Variants in PTPRT observed in about 807,000 individuals in gnomAD.
PTPRT encodes the protein protein tyrosine phosphatase receptor type T.
In PTPRT, 56 loss-of-function variants were observed where a neutral mutation model predicts 176.8. The ratio of observed to expected loss-of-function variants is 0.32; its 90% CI spans 0.26 to 0.40. PTPRT has a LOEUF of 0.40. Among genes scored for constraint, PTPRT ranks in the 10% least tolerant of loss-of-function variants. PTPRT has a pLI of 1.00. For missense variants in PTPRT, 1,540 were observed against 1,908.2 expected, an observed-to-expected ratio of 0.81 and a Z score of 3.60; for synonymous variants, 783 against 739.0, an observed-to-expected ratio of 1.06 and a Z score of -0.96.
At chr20:42,103,820 T>TAAGA (rs975380703) in intron 25 of PTPRT, among the ~76,000 whole-genome samples, 67 of 152,198 alleles carry the variant, frequency 4.4e-4, no homozygotes, top group African/African-American at 1.6e-3. Flanking sequence ...TAGAACTGAA[T>TAAGA]AAGACCTCAG....
At chr20:42,291,428 A>G (rs1426550876) in intron 12 of PTPRT, among the ~76,000 whole-genome samples, 2 of 152,190 alleles carry the variant, frequency 1.3e-5, no homozygotes, top group Non-Finnish European at 1.5e-5. Flanking sequence ...CAATAAACAC[A>G]CATAGGTATG....
chr20:42,168,535 T>A (rs1227156983), intron 16 of PTPRT, among the ~76,000 whole-genome samples: 1 of 152,202 alleles, frequency 6.6e-6, no homozygotes, highest in Non-Finnish European at 1.5e-5. Flanking sequence ...TCCACTAACC[T>A]ATTGCCAGAA....
chr20:42,876,997 T>A (rs1478537184), intron 2 of PTPRT, among the ~76,000 whole-genome samples: 3 of 152,144 alleles, frequency 2.0e-5, no homozygotes, highest in African/African-American at 7.2e-5. Context: ...GCCTTAGGGA[T>A]CAGCAAGTAC....
rs186221762 is a variant in PTPRT, at chr20:42,858,273, T to C, written c.214+27534A>G. ...CAATGGAGGAGAGAAATTAGGCAAA[T>C]ATAACAAAGACAGCTGGGGATTTAG... On this transcript the variant is annotated intron_variant, in intron 2 of 30. Coordinates refer to ENST00000373187, the MANE Select transcript of PTPRT (RefSeq NM_007050.6). Among the ~76,000 whole-genome samples, 7 of 152,234 alleles carry C rather than the reference T, an allele frequency of 4.6e-5. No homozygotes were observed. The East Asian group carries it at 1.2e-3, about 25-fold the overall frequency.
intron 1 of PTPRT, among the ~76,000 whole-genome samples, chr20:43,121,591 T>C (rs1266943085): frequency 6.6e-6 from 1 of 152,220 alleles, no homozygotes; most frequent in Non-Finnish European, 1.5e-5. Context: ...CCTGTGCATA[T>C]GCTTAGTGTC....
At chr20:42,402,828 G>A (rs2058922272) in intron 9 of PTPRT, among the ~76,000 whole-genome samples, 1 of 152,118 alleles carries the variant, frequency 6.6e-6, no homozygotes, top group Non-Finnish European at 1.5e-5. Flanking sequence ...GTGTGTGCAT[G>A]TGTATGTGCA....
intron 6 of PTPRT, among the ~76,000 whole-genome samples, chr20:42,752,313 T>C (rs1309455564): frequency 1.3e-5 from 2 of 152,230 alleles, no homozygotes; most frequent in African/African-American, 4.8e-5. Flanking sequence ...CCTACATCCA[T>C]TATCACATGT....
intron 1 of PTPRT, among the ~76,000 whole-genome samples, chr20:43,014,564 G>A (rs565734999): frequency 6.6e-5 from 10 of 152,230 alleles, no homozygotes; most frequent in South Asian, 4.2e-4. Flanking sequence ...TCGGCATTCC[G>A]GGGATGGCAT....
chr20:42,360,576 C>T (rs2058419397), intron 9 of PTPRT, among the ~76,000 whole-genome samples: 1 of 152,204 alleles, frequency 6.6e-6, no homozygotes, highest in South Asian at 2.1e-4. Context: ...TTTAATGAGT[C>T]TGTCTAGCAA....
intron 29 of PTPRT, among the ~76,000 whole-genome samples, chr20:42,083,733 G>A (rs764256025): frequency 1.1e-4 from 17 of 152,120 alleles, no homozygotes; most frequent in African/African-American, 2.9e-4. Flanking sequence ...GAAGACCTTC[G>A]TTCAAATTTC....
At chr20:42,335,089 A>C (rs1384025299) in intron 11 of PTPRT, among the ~76,000 whole-genome samples, 1 of 152,218 alleles carries the variant, frequency 6.6e-6, no homozygotes, top group Non-Finnish European at 1.5e-5. Flanking sequence ...TTGCAAAGAC[A>C]TGTGAGTAAG....
At chr20:42,427,874 C>T (rs62203479) in intron 9 of PTPRT, among the ~76,000 whole-genome samples, 12,900 of 152,190 alleles carry the variant, frequency 0.085, 814 homozygotes, top group East Asian at 0.23. Flanking sequence ...GTAATTCTCC[C>T]CAGCCTTGAG....
chr20:43,146,350 T>G (rs924064438), intron 1 of PTPRT, among the ~76,000 whole-genome samples: 6 of 152,196 alleles, frequency 3.9e-5, no homozygotes, highest in African/African-American at 1.4e-4. Context: ...TTGGGGATTA[T>G]GTCCTGAATA....
intron 7 of PTPRT, among the ~76,000 whole-genome samples, chr20:42,488,083 A>G (rs2145360511): frequency 6.6e-6 from 1 of 152,252 alleles, no homozygotes; most frequent in South Asian, 2.1e-4. Context: ...CCCTTATTTC[A>G]TGATTTTCAA....
chr20:42,820,786 C>G (rs777001850), intron 2 of PTPRT, among the ~76,000 whole-genome samples: 18 of 152,058 alleles, frequency 1.2e-4, no homozygotes, highest in Admixed American at 2.6e-4. Context: ...CTATAAAAAC[C>G]TCACGTAAAT....
intron 15 of PTPRT, among the ~76,000 whole-genome samples, chr20:42,208,791 G>A (rs1237842609): frequency 6.6e-6 from 1 of 152,142 alleles, no homozygotes; most frequent in Non-Finnish European, 1.5e-5. Flanking sequence ...GCACCGAGTG[G>A]ACCTAATAGA....
At chr20:42,483,787 C>G (rs1177406247) in intron 7 of PTPRT, among the ~76,000 whole-genome samples, 6 of 152,264 alleles carry the variant, frequency 3.9e-5, no homozygotes. Flanking sequence ...TTGTCTTTGG[C>G]TCCAAACATG....
chr20:42,532,838 A>G (rs986831), intron 7 of PTPRT, among the ~76,000 whole-genome samples: 75,970 of 151,808 alleles, frequency 0.5, 21,864 homozygotes, highest in East Asian at 0.68. Flanking sequence ...CAATACAGAC[A>G]TTTTCTTCCC....
At chr20:42,395,303 T>G (rs2058838813) in intron 9 of PTPRT, among the ~76,000 whole-genome samples, 1 of 152,086 alleles carries the variant, frequency 6.6e-6, no homozygotes, top group South Asian at 2.1e-4. Context: ...AACTGACCCA[T>G]CCCCATACAT....
Sources: gnomAD v4.1 joint callset for allele counts (sites outside exome capture counted in the v4.1 genomes callset) on GRCh38, gnomAD v4.1.1 for gene constraint, MANE v1.5 for transcripts, NCBI Gene and HGNC (gene_info 2026-07-23, HGNC 2026-07-21) for gene names.